Variants in CPNE8 observed in about 807,000 individuals in gnomAD.
The protein encoded by CPNE8 is copine-8.
A neutral mutation model predicts 81.5 loss-of-function variants in CPNE8; 45 were observed. That is an observed-to-expected ratio of 0.55 (90% confidence interval 0.44 to 0.71). The LOEUF is 0.71. Ranked by LOEUF, CPNE8 falls within the 30% of genes least tolerant of loss-of-function variation. The probability of loss-of-function intolerance (pLI) is 0.00; values close to 1 mark genes in which losing one functional copy is unlikely to be tolerated. For missense variants in CPNE8, 594 were observed against 672.1 expected (o/e 0.88, Z 1.28); for synonymous variants, 252 against 226.3 (o/e 1.11, Z -1.02).
At chr12:38,860,471 A>G (rs1313007961) in intron 3 of CPNE8, among the ~76,000 whole-genome samples, 1 of 151,818 alleles carries the variant, frequency 6.6e-6, no homozygotes, top group East Asian at 1.9e-4. Context: ...GAATTGTAAA[A>G]TGGTGCAGCC....
At chr12:38,727,356 C>A (rs531401100) in intron 11 of CPNE8, among the ~76,000 whole-genome samples, 1 of 152,206 alleles carries the variant, frequency 6.6e-6, no homozygotes, top group Admixed American at 6.5e-5. Flanking sequence ...GTATAAAGTT[C>A]TTCAAAAAGT....
At chr12:38,752,535 C>A (rs372957531) in intron 10 of CPNE8, among the ~76,000 whole-genome samples, 2 of 152,160 alleles carry the variant, frequency 1.3e-5, no homozygotes, top group African/African-American at 2.4e-5. Flanking sequence ...CATTGTACAG[C>A]TCCCATCTAT....
chr12:38,784,447 GA>G (rs1396970557), intron 6 of CPNE8, among the ~76,000 whole-genome samples: 1 of 152,140 alleles, frequency 6.6e-6, no homozygotes, highest in Non-Finnish European at 1.5e-5. Context: ...AGGAGGAGTA[GA>G]AAGTTTATTC....
chr12:38,851,685 T>G (rs1943648934), intron 3 of CPNE8, among the ~76,000 whole-genome samples: 1 of 152,242 alleles, frequency 6.6e-6, no homozygotes, highest in Admixed American at 6.5e-5. Flanking sequence ...CCAATTCATC[T>G]TCTATGTGAC....
At chr12:38,730,067 C>T (rs978804118) in intron 11 of CPNE8, among the ~76,000 whole-genome samples, 3 of 151,902 alleles carry the variant, frequency 2.0e-5, no homozygotes, top group Non-Finnish European at 2.9e-5. Flanking sequence ...AAGTAAAATG[C>T]TTTATACACA....
At chr12:38,683,744 T>C (rs2136657595) in intron 16 of CPNE8, among the ~76,000 whole-genome samples, 1 of 152,264 alleles carries the variant, frequency 6.6e-6, no homozygotes, top group South Asian at 2.1e-4. Context: ...AATAGCCATC[T>C]CTTACTGTTT....
chr12:38,677,550 C>A lies in CPNE8; in HGVS notation c.1276G>T (p.Ala426Ser). The change falls in exon 17 of 20, where the codon GCT becomes TCT. Residue 426 changes from alanine (A) to serine (S), a missense_variant. Transcript: ENST00000331366. ...APVINHVARYASSVKDGSQYF... is the reference protein window; with the variant it reads ...APVINHVARYSSSVKDGSQYF... ...TGGGAGCCATCCTTTACAGAAGAAG[C>A]ATATCTGAAAGGCAACGAAAAGGTA... 6.2e-7 allele frequency: 1 copy of A among 1,601,106 alleles called. No individual in the cohort carries two copies. The highest frequency in any genetic ancestry group is 8.6e-7 in the Non-Finnish European group (1 of 1,169,178).
chr12:38,739,028 G>C (rs1941025116), intron 10 of CPNE8, among the ~76,000 whole-genome samples: 1 of 151,984 alleles, frequency 6.6e-6, no homozygotes. Context: ...GGCCAGGCTG[G>C]TGTCAAACTC....
intron 14 of CPNE8, among the ~76,000 whole-genome samples, chr12:38,696,018 C>T (rs1218084918): frequency 6.6e-6 from 1 of 152,072 alleles, no homozygotes; most frequent in African/African-American, 2.4e-5. Flanking sequence ...AGTTTTAATC[C>T]AATGGTGACA....
chr12:38,870,087 A>C (rs1943968487), intron 3 of CPNE8, among the ~76,000 whole-genome samples: 1 of 152,252 alleles, frequency 6.6e-6, no homozygotes, highest in Non-Finnish European at 1.5e-5. Flanking sequence ...GCCTAATAGC[A>C]AGGGCTGTGT....
intron 18 of CPNE8, among the ~76,000 whole-genome samples, chr12:38,675,447 A>G (rs755561174): frequency 2.0e-5 from 3 of 152,204 alleles, no homozygotes; most frequent in Non-Finnish European, 4.4e-5. Context: ...AACTACCTCT[A>G]ATGAAATAGA....
At chr12:38,888,237 C>A (rs928122475) in intron 1 of CPNE8, among the ~76,000 whole-genome samples, 3 of 152,160 alleles carry the variant, frequency 2.0e-5, no homozygotes, top group Non-Finnish European at 4.4e-5. Flanking sequence ...TATGTTGCTT[C>A]TATAATGGAG....
At chr12:38,696,396 T>G (rs894779239) in intron 14 of CPNE8, among the ~76,000 whole-genome samples, 15 of 152,078 alleles carry the variant, frequency 9.9e-5, no homozygotes, top group African/African-American at 3.6e-4. Flanking sequence ...AAATGGCAAT[T>G]TAAAGTATTG....
intron 16 of CPNE8, among the ~76,000 whole-genome samples, chr12:38,677,935 G>A (rs1303678669): frequency 6.6e-6 from 1 of 151,908 alleles, no homozygotes; most frequent in African/African-American, 2.4e-5. Context: ...TATTTTCTTA[G>A]CTTTAAAACT....
In CPNE8 at chr12:38,811,902, T is replaced by C. The variant is rs528962180; in HGVS notation, c.407+17477A>G. 8.3e-4 allele frequency among the ~76,000 whole-genome samples: 127 copies of C among 152,176 alleles called. 1 individual carries two copies. The highest frequency in any genetic ancestry group is 1.6e-3 in the Non-Finnish European group (106 of 68,032). The stretch of plus-strand genomic sequence containing the variant: ...ATAATGTATGTAGTGCTTACCCTTT[T>C]ATAGGCATTATGTTAGGTAGTGAGG... On this transcript the variant is annotated intron_variant, in intron 6 of 19. Transcript: ENST00000331366.
In CPNE8 at chr12:38,762,138, T is replaced by G; in HGVS notation, c.654A>C (p.Arg218Ser). ...TGTCATAGTCTCCATTACATAATGC[T>G]CTGACTGAGATCTTGAATGCTTGCC... ...PVWQAFKISV[R>S]ALCNGDYDRT... Residue 218 changes from arginine (R) to serine (S), a missense_variant, in exon 9 of 20, where the codon AGA becomes AGC. Transcript: ENST00000331366. 2 of 1,594,492 alleles carry G rather than the reference T, an allele frequency of 1.3e-6. No homozygotes were observed. Among genetic ancestry groups the G allele is most frequent in the Non-Finnish European group, 1.7e-6 (2 of 1,168,134 alleles).
chr12:38,883,415 A>G (rs972859412), intron 1 of CPNE8, among the ~76,000 whole-genome samples: 7 of 152,232 alleles, frequency 4.6e-5, no homozygotes, highest in African/African-American at 1.7e-4. Context: ...CAGTATTGGA[A>G]AGAGAAAAAT....
chr12:38,743,303 T>C (rs1361233172), intron 10 of CPNE8, among the ~76,000 whole-genome samples: 1 of 152,098 alleles, frequency 6.6e-6, no homozygotes, highest in East Asian at 1.9e-4. Context: ...TGGGTTAGTC[T>C]CTTAAATTTC....
chr12:38,781,274 G>C (rs978895167), intron 6 of CPNE8, among the ~76,000 whole-genome samples: 1 of 151,900 alleles, frequency 6.6e-6, no homozygotes, highest in African/African-American at 2.4e-5. Context: ...TCACTAAGTA[G>C]GTAGTAGAAA....
Sources: allele counts gnomAD v4.1 joint callset (sites outside exome capture counted in the v4.1 genomes callset), GRCh38; gene constraint gnomAD v4.1.1; transcripts MANE v1.5; gene names NCBI Gene and HGNC (gene_info 2026-07-23, HGNC 2026-07-21).